NCKAP5: variants seen among roughly 807,000 people sequenced by gnomAD.
NCKAP5 encodes NCK associated protein 5, also known as nck-associated protein 5.
NCKAP5 carries 92 observed loss-of-function variants against 167.0 expected under a neutral mutation model. The observed-to-expected ratio is 0.55, with a 90% CI of 0.47 to 0.66. The LOEUF is 0.66. NCKAP5 is among the 30% of genes least tolerant of loss of function. The pLI, the probability that NCKAP5 is intolerant of heterozygous loss-of-function variation, is 0.00. For missense variants in NCKAP5, 2,378 were observed against 2,315.0 expected (o/e 1.03, Z -0.56); for synonymous variants, 891 against 877.4 (o/e 1.02, Z -0.27).
At position 132,796,670 on chromosome 2, in the gene NCKAP5, T is replaced by C. The variant is rs1324395505; in HGVS notation, c.867A>G (p.Arg289=). ...TTCGTGACTGTGTCAGACTTCGGTT[T>C]CTTTCCACCTCTGAAAGCAAATCTC... ...SSGDLLSEVE[R]NRSLTQSRTD... The change falls in exon 12 of 20, where the codon AGA becomes AGG. Residue 289 remains arginine (R), a synonymous_variant. Coordinates refer to ENST00000409261, the MANE Select transcript of NCKAP5 (RefSeq NM_207363.3). 1 of 1,613,526 alleles carries C rather than the reference T, an allele frequency of 6.2e-7. No individual in the cohort carries two copies. Among genetic ancestry groups the C allele is most frequent in the Non-Finnish European group, 8.5e-7 (1 of 1,179,696 alleles).
chr2:133,303,713 T>C (rs1046734817), intron 3 of NCKAP5, among the ~76,000 whole-genome samples: 4 of 151,012 alleles, frequency 2.6e-5, no homozygotes, highest in African/African-American at 9.9e-5. Context: ...TTCTGCTCTA[T>C]AGAAATGTAT....
chr2:132,907,287 T>C (rs570748477), intron 8 of NCKAP5, among the ~76,000 whole-genome samples: 10 of 152,174 alleles, frequency 6.6e-5, no homozygotes, highest in African/African-American at 9.7e-5. Flanking sequence ...TTTCCAACCC[T>C]GTTTGATTCT....
At chr2:132,914,502 CT>C (rs1463652300) in intron 8 of NCKAP5, among the ~76,000 whole-genome samples, 1 of 151,904 alleles carries the variant, frequency 6.6e-6, no homozygotes, top group Non-Finnish European at 1.5e-5. Flanking sequence ...CCTGTTTTCT[CT>C]TTGGCCCCCT....
chr2:132,879,594 A>AATGCTG (rs1314598370), intron 8 of NCKAP5, among the ~76,000 whole-genome samples: 10 of 152,182 alleles, frequency 6.6e-5, no homozygotes, highest in Admixed American at 5.9e-4. Flanking sequence ...AGGAGCGTGA[A>AATGCTG]ATGCTGATAT....
the NCKAP5 span, among the ~76,000 whole-genome samples, chr2:133,608,989 C>T: frequency 5.2e-3 from 788 of 152,306 alleles, 53 homozygotes; most frequent in East Asian, 0.13. Context: ...TTTGCACAAA[C>T]TATCTAATCA....
intron 2 of NCKAP5, among the ~76,000 whole-genome samples, chr2:133,544,432 A>T (rs1686487494): frequency 6.6e-6 from 1 of 152,232 alleles, no homozygotes; most frequent in South Asian, 2.1e-4. Context: ...TAATAAACAT[A>T]AATGATACCC....
At position 132,672,395 on chromosome 2, in the gene NCKAP5, T is replaced by C. The variant is rs185970924; in HGVS notation, c.*894A>G. 11 of 152,308 alleles carry C rather than the reference T, an allele frequency of 7.2e-5. No individual in the cohort carries two copies. In the East Asian group the frequency reaches 2.1e-3, roughly 29 times the overall value. 9.4% of individuals were successfully genotyped at this position (152,308 alleles called of 1,614,324 possible). A position where few individuals can be genotyped will look rare whatever the true frequency, so the allele number is the denominator to read the frequency against. On this transcript the variant is annotated 3_prime_UTR_variant, in exon 20 of 20. Coordinates refer to ENST00000409261, the MANE Select transcript of NCKAP5 (RefSeq NM_207363.3). ...ATCAGTGTCCACACTTCAGGACCCT[T>C]TTCATTTTTCAGCAGAAGCAGAATG...
At position 133,542,456 on chromosome 2, in the gene NCKAP5, C is replaced by T. The variant is rs138892166; in HGVS notation, c.-62+16594G>A. Reference sequence around the variant, plus strand: ...TCCACGATCATTTGCTTCAGGTAAACGGGGAGAGATTGCTAATGTCCTCCA... The same window carrying T: ...TCCACGATCATTTGCTTCAGGTAAATGGGGAGAGATTGCTAATGTCCTCCA... On this transcript the variant is annotated intron_variant, in intron 2 of 19. Transcript: ENST00000409261. Among the ~76,000 whole-genome samples, 571 of 152,214 alleles carry T rather than the reference C, an allele frequency of 3.8e-3. 17 individuals carry two copies. Among genetic ancestry groups the T allele is most frequent in the Admixed American group, 0.03 (459 of 15,278 alleles).
chr2:133,658,914 T>C, the NCKAP5 span, among the ~76,000 whole-genome samples: 1 of 151,990 alleles, frequency 6.6e-6, no homozygotes, highest in African/African-American at 2.4e-5. Flanking sequence ...CCTTGGTTTC[T>C]ATTGTGTTAT....
At chr2:132,761,149 C>T (rs900846309) in intron 16 of NCKAP5, among the ~76,000 whole-genome samples, 1 of 152,146 alleles carries the variant, frequency 6.6e-6, no homozygotes, top group African/African-American at 2.4e-5. Context: ...AGTTACTGCC[C>T]TTTGGAGTCC....
intron 8 of NCKAP5, among the ~76,000 whole-genome samples, chr2:132,888,693 G>T (rs1342280157): frequency 1.3e-5 from 2 of 152,134 alleles, no homozygotes; most frequent in Admixed American, 6.5e-5. Context: ...ACCCTGCCCA[G>T]TGTGTATATT....
At chr2:133,027,446 T>A (rs1460651220) in intron 6 of NCKAP5, among the ~76,000 whole-genome samples, 1 of 152,226 alleles carries the variant, frequency 6.6e-6, no homozygotes, top group Non-Finnish European at 1.5e-5. Context: ...GTTATCATAC[T>A]TCTCCCCAAT....
At chr2:133,075,415 G>A (rs751705496) in intron 6 of NCKAP5, among the ~76,000 whole-genome samples, 1 of 152,168 alleles carries the variant, frequency 6.6e-6, no homozygotes, top group African/African-American at 2.4e-5. Context: ...CAGAAATGAG[G>A]GAAGAGCAAA....
At chr2:133,637,166 C>T in the NCKAP5 span, among the ~76,000 whole-genome samples, 11,721 of 151,358 alleles carry the variant, frequency 0.077, 521 homozygotes, top group Non-Finnish European at 0.098. Flanking sequence ...CCTACTTTCC[C>T]GCACTTCTCC....
intron 5 of NCKAP5, among the ~76,000 whole-genome samples, chr2:133,140,551 T>C (rs1179223815): frequency 2.6e-5 from 4 of 152,148 alleles, no homozygotes; most frequent in African/African-American, 9.7e-5. Flanking sequence ...ACTTCAGCTA[T>C]ATTTACTATG....
At position 133,446,457 on chromosome 2, in the gene NCKAP5, C is replaced by A. The variant is rs1362663530; in HGVS notation, c.69+71001G>T. On this transcript the variant is annotated intron_variant, in intron 3 of 19. Coordinates refer to ENST00000409261, the MANE Select transcript of NCKAP5 (RefSeq NM_207363.3). ...ATAACTCATTTAATTCTTACCCCAA[C>A]TTTTGGAGCTAGGTAATATGGCACC... Among the ~76,000 whole-genome samples, 3 of 152,170 alleles carry A rather than the reference C, an allele frequency of 2.0e-5. No homozygotes were observed. The East Asian group carries it at 5.8e-4, about 29-fold the overall frequency.
intron 8 of NCKAP5, among the ~76,000 whole-genome samples, chr2:132,893,277 C>A (rs1008312513): frequency 2.0e-5 from 3 of 152,210 alleles, no homozygotes; most frequent in African/African-American, 7.2e-5. Flanking sequence ...ATGCTCATAG[C>A]TTCTGACCCA....
At chr2:133,590,110 C>T in the NCKAP5 span, among the ~76,000 whole-genome samples, 1 of 152,178 alleles carries the variant, frequency 6.6e-6, no homozygotes, top group Non-Finnish European at 1.5e-5. Flanking sequence ...ACAACCTTCT[C>T]CCAAGGAGTG....
rs1689867620 is a variant in NCKAP5, at chr2:132,721,012, T to TTA, written c.5713+4614_5713+4615insTA. Among the ~76,000 whole-genome samples, 3 of 79,316 alleles carry TTA rather than the reference T, an allele frequency of 3.8e-5. No individual in the cohort carries two copies. The Middle Eastern group carries it at 0.023, about 620-fold the overall frequency. The allele number at this position is 79,316 out of a possible 152,430, so 52.0% of individuals were successfully genotyped here. A position where few individuals can be genotyped will look rare whatever the true frequency, so the allele number is the denominator to read the frequency against. On this transcript the variant is annotated intron_variant, in intron 19 of 19. Transcript: ENST00000409261. The stretch of plus-strand genomic sequence containing the variant: ...CCTAGGTACACAGTGAGACTCCATC[T>TTA]CAAAAAAAAAAAAAATGCTGTGCAC...
Sources: gnomAD v4.1 joint callset for allele counts (sites outside exome capture counted in the v4.1 genomes callset) on GRCh38, gnomAD v4.1.1 for gene constraint, MANE v1.5 for transcripts, NCBI Gene and HGNC (gene_info 2026-07-23, HGNC 2026-07-21) for gene names.